FCHSD2: variants seen among roughly 807,000 people sequenced by gnomAD.
The protein encoded by FCHSD2 is F-BAR and double SH3 domains protein 2.
A neutral mutation model predicts 108.1 loss-of-function variants in FCHSD2; 38 were observed. The ratio of observed to expected loss-of-function variants is 0.35; its 90% CI spans 0.27 to 0.46. The LOEUF (loss-of-function observed/expected upper bound fraction) is 0.46, where lower values mean the gene tolerates loss of function less well. Among genes scored for constraint, FCHSD2 ranks in the 20% least tolerant of loss-of-function variants. The pLI, the probability that FCHSD2 is intolerant of heterozygous loss-of-function variation, is 1.00. For synonymous variants in FCHSD2, 279 were observed against 314.7 expected (o/e 0.89, Z 1.20); for missense variants, 751 against 897.8 (o/e 0.84, Z 2.09).
In FCHSD2 at chr11:73,063,721, A is replaced by G. The variant is rs529148049; in HGVS notation, c.165+19974T>C. 2.3e-4 allele frequency among the ~76,000 whole-genome samples: 35 copies of G among 152,340 alleles called. No homozygotes were observed. The South Asian group carries it at 5.2e-3, about 23-fold the overall frequency. ...GTATTACATATTGGTAAAGTGATCAATGCAGCAAGAAGAGCTAACTATCCT... is the reference window on the plus strand; with the variant it reads ...GTATTACATATTGGTAAAGTGATCAGTGCAGCAAGAAGAGCTAACTATCCT... On this transcript the variant is annotated intron_variant, in intron 3 of 19. Transcript: ENST00000409418.
At position 72,911,661 on chromosome 11, in the gene FCHSD2, C is replaced by A. The variant is rs1239081933; in HGVS notation, c.829-9023G>T. 7.3e-5 allele frequency among the ~76,000 whole-genome samples: 11 copies of A among 151,436 alleles called. 1 individual carries two copies. In the South Asian group the frequency reaches 2.3e-3, roughly 32 times the overall value. On this transcript the variant is annotated intron_variant, in intron 9 of 19. Coordinates refer to ENST00000409418, the MANE Select transcript of FCHSD2 (RefSeq NM_014824.3). ...TTGTTTGTGTCCTCTTCAATTTATT[C>A]CTTCCTTCCTTTTTTATTTTTATTA...
intron 4 of FCHSD2, among the ~76,000 whole-genome samples, chr11:73,009,356 G>T (rs1472170667): frequency 6.6e-6 from 1 of 151,830 alleles, no homozygotes; most frequent in Admixed American, 6.6e-5. Context: ...AATTAGCCAG[G>T]TGTGGTGGCG....
chr11:73,041,538 A>G (rs969705081), intron 3 of FCHSD2, among the ~76,000 whole-genome samples: 2 of 152,202 alleles, frequency 1.3e-5, no homozygotes, highest in Admixed American at 6.5e-5. Context: ...TTTTTTGAGA[A>G]ATGTCTATTC....
chr11:72,968,034 T>C (rs1286859866), intron 8 of FCHSD2, among the ~76,000 whole-genome samples: 1 of 144,934 alleles, frequency 6.9e-6, no homozygotes, highest in Non-Finnish European at 1.5e-5. Context: ...GAGCTTGCAG[T>C]GAGCCGAGAT....
At chr11:73,063,453 G>A (rs1463896807) in intron 3 of FCHSD2, among the ~76,000 whole-genome samples, 4 of 152,172 alleles carry the variant, frequency 2.6e-5, no homozygotes, top group Non-Finnish European at 5.9e-5. Context: ...AACCTTAAAT[G>A]TAAATGGGCT....
chr11:72,842,639 T>A lies in FCHSD2; in HGVS notation c.1908A>T (p.Pro636=). Residue 636 remains proline, a synonymous_variant, in exon 17 of 20, where the codon CCA becomes CCT. Coordinates refer to ENST00000409418, the MANE Select transcript of FCHSD2 (RefSeq NM_014824.3). ...CAGGTACCTGAATCTCTCTCATCCATGGAGTGTCACCATTTTCTGAGGCTG... is the reference window on the plus strand; with the variant it reads ...CAGGTACCTGAATCTCTCTCATCCAAGGAGTGTCACCATTTTCTGAGGCTG... ...ELSASENGDT[P]WMREIQISPS... 1.2e-6 allele frequency: 2 copies of A among 1,614,044 alleles called. No individual in the cohort carries two copies. Among genetic ancestry groups the A allele is most frequent in the South Asian group, 2.2e-5 (2 of 91,088 alleles).
intron 2 of FCHSD2, among the ~76,000 whole-genome samples, chr11:73,101,232 C>T (rs1242915002): frequency 6.6e-6 from 1 of 152,174 alleles, no homozygotes; most frequent in Non-Finnish European, 1.5e-5. Flanking sequence ...TAAATGCCAT[C>T]TCAGTTGCAC....
At chr11:72,924,299 A>T (rs188987844) in intron 8 of FCHSD2, among the ~76,000 whole-genome samples, 1 of 152,088 alleles carries the variant, frequency 6.6e-6, no homozygotes, top group East Asian at 1.9e-4. Context: ...TTTTTTTGAG[A>T]CAGAGTCTTG....
At chr11:72,909,646 C>T (rs913649412) in intron 9 of FCHSD2, among the ~76,000 whole-genome samples, 54 of 149,990 alleles carry the variant, frequency 3.6e-4, no homozygotes, top group African/African-American at 1.1e-3. Context: ...TCTGGCCGGC[C>T]GCCACCCTGT....
At chr11:73,016,479 T>C (rs991046905) in intron 3 of FCHSD2, among the ~76,000 whole-genome samples, 1 of 152,172 alleles carries the variant, frequency 6.6e-6, no homozygotes, top group Non-Finnish European at 1.5e-5. Flanking sequence ...TTCATTGATA[T>C]GCCTTTCACT....
At chr11:73,049,914 G>A (rs1010933825) in intron 3 of FCHSD2, among the ~76,000 whole-genome samples, 1 of 152,122 alleles carries the variant, frequency 6.6e-6, no homozygotes, top group Non-Finnish European at 1.5e-5. Flanking sequence ...TCTATCATGT[G>A]TACAAGGAAG....
chr11:73,086,565 A>C (rs1483981908), intron 2 of FCHSD2, among the ~76,000 whole-genome samples: 1 of 152,240 alleles, frequency 6.6e-6, no homozygotes, highest in Non-Finnish European at 1.5e-5. Context: ...CAAAGACAGT[A>C]GAAAAATAAC....
At chr11:72,985,476 G>A (rs555246879) in intron 6 of FCHSD2, among the ~76,000 whole-genome samples, 11 of 151,894 alleles carry the variant, frequency 7.2e-5, no homozygotes, top group African/African-American at 2.7e-4. Flanking sequence ...ATACACTTTA[G>A]TTCCTGCAAA....
At chr11:73,059,999 T>A in intron 3 of FCHSD2, among the ~76,000 whole-genome samples, 1 of 152,198 alleles carries the variant, frequency 6.6e-6, no homozygotes, top group Non-Finnish European at 1.5e-5. Flanking sequence ...ACAAAGCAAA[T>A]TATATATTCC....
intron 18 of FCHSD2, among the ~76,000 whole-genome samples, 178 bp from the exon 19 acceptor site, chr11:72,841,137 C>T (rs61049260): frequency 0.016 from 2,424 of 152,134 alleles, 63 homozygotes; most frequent in African/African-American, 0.056. Context: ...CACTGCACTC[C>T]AGCCTGGGTG....
chr11:72,991,677 A>G (rs2135407384), intron 5 of FCHSD2, among the ~76,000 whole-genome samples: 1 of 152,344 alleles, frequency 6.6e-6, no homozygotes, highest in Non-Finnish European at 1.5e-5. Flanking sequence ...TTATCTCAAT[A>G]GATGTAGAAA....
intron 3 of FCHSD2, among the ~76,000 whole-genome samples, chr11:73,050,366 G>A (rs1186317752): frequency 3.9e-5 from 6 of 152,102 alleles, no homozygotes; most frequent in African/African-American, 7.2e-5. Flanking sequence ...TGAAAAAGAC[G>A]TATTTAGATT....
At chr11:73,057,741 TCCCTA>T (rs1859060531) in intron 3 of FCHSD2, among the ~76,000 whole-genome samples, 2 of 152,038 alleles carry the variant, frequency 1.3e-5, no homozygotes, top group Non-Finnish European at 2.9e-5. Context: ...TCAAGCTCAG[TCCCTA>T]ACCCTTTAAA....
At chr11:72,951,769 T>C (rs577069314) in intron 8 of FCHSD2, among the ~76,000 whole-genome samples, 19 of 152,326 alleles carry the variant, frequency 1.2e-4, no homozygotes, top group Admixed American at 3.9e-4. Flanking sequence ...TATTTTCCCA[T>C]TGATTTGAGG....
Sources: gnomAD v4.1 joint callset for allele counts (sites outside exome capture counted in the v4.1 genomes callset) on GRCh38, gnomAD v4.1.1 for gene constraint, MANE v1.5 for transcripts, NCBI Gene and HGNC (gene_info 2026-07-23, HGNC 2026-07-21) for gene names.